Variants in NRXN1 observed in about 807,000 individuals in gnomAD.
The protein encoded by NRXN1 is neurexin 1.
A neutral mutation model predicts 150.9 loss-of-function variants in NRXN1; 39 were observed. The observed-to-expected ratio is 0.26, with a 90% CI of 0.20 to 0.34. The LOEUF is 0.34. Among genes scored for constraint, NRXN1 ranks in the 10% least tolerant of loss-of-function variants. NRXN1 has a pLI of 1.00. For missense variants in NRXN1, 1,815 were observed against 1,949.9 expected (o/e 0.93, Z 1.30); for synonymous variants, 924 against 757.0 (o/e 1.22, Z -3.62).
chr2:50,703,756 T>C (rs1694074235), intron 5 of NRXN1, among the ~76,000 whole-genome samples: 1 of 152,160 alleles, frequency 6.6e-6, no homozygotes, highest in Non-Finnish European at 1.5e-5. Context: ...GAGCTAAGAA[T>C]TTAACATGGA....
intron 8 of NRXN1, among the ~76,000 whole-genome samples, chr2:50,606,202 T>A (rs1486019855): frequency 1.4e-5 from 2 of 144,364 alleles, no homozygotes; most frequent in African/African-American, 5.2e-5. Context: ...TGAGCTAAGA[T>A]TACGCCACTG....
At chr2:50,587,504 T>G (rs1332380069) in intron 8 of NRXN1, among the ~76,000 whole-genome samples, 1 of 151,998 alleles carries the variant, frequency 6.6e-6, no homozygotes, top group African/African-American at 2.4e-5. Flanking sequence ...ATCCCTGTTT[T>G]CCCTATTGCA....
intron 18 of NRXN1, among the ~76,000 whole-genome samples, chr2:50,188,941 T>C (rs907127804): frequency 6.6e-6 from 1 of 152,176 alleles, no homozygotes; most frequent in African/African-American, 2.4e-5. Flanking sequence ...AGTTCAACCA[T>C]TGTGGAAGAC....
At chr2:50,274,152 T>C (rs2070091955) in intron 17 of NRXN1, among the ~76,000 whole-genome samples, 1 of 152,072 alleles carries the variant, frequency 6.6e-6, no homozygotes, top group Admixed American at 6.6e-5. Flanking sequence ...ACAGACTGGA[T>C]AAAGAAGATG....
At chr2:50,115,845 T>A (rs7590544) in intron 18 of NRXN1, among the ~76,000 whole-genome samples, 21 of 151,958 alleles carry the variant, frequency 1.4e-4, no homozygotes, top group African/African-American at 5.1e-4. Context: ...ATAAGAATCA[T>A]GTACATATGT....
intron 18 of NRXN1, among the ~76,000 whole-genome samples, chr2:50,129,017 A>ATAAT (rs1358310887): frequency 1.3e-5 from 2 of 151,846 alleles, no homozygotes; most frequent in African/African-American, 2.4e-5. Flanking sequence ...AAATAAATAA[A>ATAAT]TAAAGTTATG....
At chr2:50,490,541 G>C (rs1273389003) in intron 15 of NRXN1, among the ~76,000 whole-genome samples, 2 of 152,196 alleles carry the variant, frequency 1.3e-5, no homozygotes, top group Non-Finnish European at 2.9e-5. Context: ...GTACTGGGGG[G>C]AATTGGAAAG....
intron 18 of NRXN1, among the ~76,000 whole-genome samples, chr2:50,148,255 C>G (rs998978483): frequency 6.6e-6 from 1 of 151,542 alleles, no homozygotes; most frequent in Non-Finnish European, 1.5e-5. Flanking sequence ...GCAACAGCTC[C>G]ACCATTTATT....
At chr2:50,904,397 A>T (rs563771215) in intron 5 of NRXN1, among the ~76,000 whole-genome samples, 1 of 152,296 alleles carries the variant, frequency 6.6e-6, no homozygotes, top group African/African-American at 2.4e-5. Flanking sequence ...AATAGTCCAT[A>T]CGTGAATTTT....
intron 21 of NRXN1, among the ~76,000 whole-genome samples, chr2:50,018,282 T>C (rs920550653): frequency 1.3e-5 from 2 of 152,322 alleles, no homozygotes; most frequent in South Asian, 2.1e-4. Flanking sequence ...TTCTTTGTCT[T>C]GACATTAATG....
At chr2:50,765,197 T>A (rs1245534045) in intron 5 of NRXN1, among the ~76,000 whole-genome samples, 1 of 152,008 alleles carries the variant, frequency 6.6e-6, no homozygotes, top group African/African-American at 2.4e-5. Context: ...AACCTTACTT[T>A]CCTTCTCCTG....
intron 2 of NRXN1, among the ~76,000 whole-genome samples, chr2:50,964,853 G>A (rs1412632283): frequency 6.6e-6 from 1 of 151,416 alleles, no homozygotes; most frequent in Non-Finnish European, 1.5e-5. Context: ...ATTGATGCTT[G>A]TCTGAGTGCT....
chr2:50,926,874 C>G (rs1012666582), intron 2 of NRXN1, among the ~76,000 whole-genome samples: 16 of 151,642 alleles, frequency 1.1e-4, no homozygotes, highest in Admixed American at 4.0e-4. Context: ...ATTTGTATTT[C>G]CCAAGATAAT....
intron 19 of NRXN1, among the ~76,000 whole-genome samples, chr2:50,073,130 G>A (rs1373032025): frequency 6.6e-6 from 1 of 152,114 alleles, no homozygotes; most frequent in Non-Finnish European, 1.5e-5. Flanking sequence ...TCCACTTCCC[G>A]TGTTATAGTA....
chr2:50,261,102 T>C lies in NRXN1; in HGVS notation c.3365-24132A>G, dbSNP rs577896584. Among the ~76,000 whole-genome samples the C allele has an allele frequency of 3.3e-5, 5 of 151,872 alleles. No individual in the cohort carries two copies. The South Asian group carries it at 1.0e-3, about 31-fold the overall frequency. On this transcript the variant is annotated intron_variant, in intron 17 of 22. Coordinates refer to ENST00000401669, the MANE Select transcript of NRXN1 (RefSeq NM_001330078.2). The stretch of plus-strand genomic sequence containing the variant: ...GATCATGTAGAGACAACCAGACTGC[T>C]AATTAAACTATTAACTCTTTCTTCT...
At chr2:50,302,217 A>G (rs1474992403) in intron 17 of NRXN1, among the ~76,000 whole-genome samples, 1 of 152,270 alleles carries the variant, frequency 6.6e-6, no homozygotes, top group Non-Finnish European at 1.5e-5. Context: ...TCTTTCCCCA[A>G]GTATCAAGGA....
chr2:50,137,338 C>T (rs1382126668), intron 18 of NRXN1, among the ~76,000 whole-genome samples: 1 of 152,122 alleles, frequency 6.6e-6, no homozygotes. Context: ...TGTAAACATG[C>T]TCGTTCTCAG....
rs553174460 is a variant in NRXN1 at position 50,905,329 on chromosome 2, T to A, written c.832+16540A>T. Among the ~76,000 whole-genome samples the A allele has an allele frequency of 3.3e-5, 5 of 152,180 alleles. No homozygotes were observed. The East Asian group carries it at 7.8e-4, about 24-fold the overall frequency. The stretch of plus-strand genomic sequence containing the variant: ...GCAAAATAAGTTTATAAATCCAGGG[T>A]TATAAATGCAGCTATTTAAGGAACC... On this transcript the variant is annotated intron_variant, in intron 5 of 22. Coordinates refer to ENST00000401669, the MANE Select transcript of NRXN1 (RefSeq NM_001330078.2).
chr2:50,669,976 C>T (rs1021226801), intron 5 of NRXN1, among the ~76,000 whole-genome samples: 7 of 151,876 alleles, frequency 4.6e-5, no homozygotes, highest in African/African-American at 1.4e-4. Flanking sequence ...GAGAACACAA[C>T]ATGAACCAGT....
Sources: allele counts gnomAD v4.1 joint callset (sites outside exome capture counted in the v4.1 genomes callset), GRCh38; gene constraint gnomAD v4.1.1; transcripts MANE v1.5; gene names NCBI Gene and HGNC (gene_info 2026-07-23, HGNC 2026-07-21).